The following SLC24A4 variants were observed in gnomAD, a reference collection of about 807,000 sequenced individuals.
SLC24A4 encodes solute carrier family 24 member 4.
In SLC24A4, 53 loss-of-function variants were observed where a neutral mutation model predicts 79.0. That is an observed-to-expected ratio of 0.67 (90% CI 0.54 to 0.84). The LOEUF is 0.84. Among genes scored for constraint, SLC24A4 ranks in the 40% least tolerant of loss-of-function variants. SLC24A4 has a pLI of 0.00. For synonymous variants in SLC24A4, 323 were observed against 323.8 expected (o/e 1.00, Z 0.03); for missense variants, 731 against 822.0 (o/e 0.89, Z 1.35).
At chr14:92,334,629 G>T (rs1412836992) in intron 2 of SLC24A4, among the ~76,000 whole-genome samples, 3 of 152,292 alleles carry the variant, frequency 2.0e-5, no homozygotes, top group African/African-American at 7.2e-5. Context: ...CTTCCCGTCT[G>T]TCTGTCTGTC....
intron 2 of SLC24A4, among the ~76,000 whole-genome samples, chr14:92,404,280 C>T (rs902949635): frequency 6.6e-6 from 1 of 152,210 alleles, no homozygotes; most frequent in Non-Finnish European, 1.5e-5. Context: ...ATAGCCTCTT[C>T]TTATGACAGC....
At chr14:92,458,869 G>T (rs764179873) in intron 12 of SLC24A4, among the ~76,000 whole-genome samples, 2 of 152,202 alleles carry the variant, frequency 1.3e-5, no homozygotes, top group African/African-American at 2.4e-5. Context: ...GGGCCAGAGT[G>T]CCAGAGCAGG....
chr14:92,453,130 A>G (rs1378534467), intron 10 of SLC24A4: 2 of 152,284 alleles, frequency 1.3e-5, no homozygotes, highest in Non-Finnish European at 2.9e-5. Context: ...ATGGCAAGAA[A>G]GAGGTCTGGG....
Position 92,325,936 on chromosome 14 carries a change from C to G in SLC24A4, c.199C>G (p.Pro67Ala). Residue 67 changes from proline to alanine, a missense_variant, in exon 2 of 17, where the codon CCA becomes GCA. By Grantham distance (27) the Pro-to-Ala change is conservative (BLOSUM62 -1). Transcript: ENST00000532405. ...GTGGAGAAATAGAAAGTTGATGGCC[C>G]CAGTGAATGGGACACAGACAGCCAA... ...DTWRNRKLMA[P>A]VNGTQTAKNC... 1 of 1,613,008 alleles carries G rather than the reference C, an allele frequency of 6.2e-7. No individual in the cohort carries two copies.
Position 92,461,537 on chromosome 14 carries a change from CTTGT to C in SLC24A4, c.1255+4945_1255+4948del, listed in dbSNP as rs755841979. On this transcript the variant is annotated intron_variant, in intron 12 of 16. Transcript: ENST00000532405. ...ACAGCTGCCTTTTTGTTCACGTGGC[CTTGT>C]TTGTTTGTTTGTTTGGTGCATGCAT... Among the ~76,000 whole-genome samples, 144 of 152,158 alleles carry C rather than the reference CTTGT, an allele frequency of 9.5e-4. 1 individual carries two copies. Among genetic ancestry groups the C allele is most frequent in the African/African-American group, 2.7e-3 (113 of 41,514 alleles).
chr14:92,328,081 C>T (rs1434965020), intron 2 of SLC24A4, among the ~76,000 whole-genome samples: 1 of 150,236 alleles, frequency 6.7e-6, no homozygotes, highest in Admixed American at 6.6e-5. Flanking sequence ...CAGCTGGAAA[C>T]ATACTGGGGT....
intron 2 of SLC24A4, among the ~76,000 whole-genome samples, chr14:92,333,473 C>T (rs1885596061): frequency 6.6e-6 from 1 of 152,128 alleles, no homozygotes; most frequent in Admixed American, 6.5e-5. Context: ...GTCCTGTGCC[C>T]CATGTTAAAA....
rs751245151 is a variant in SLC24A4 at position 92,482,806 on chromosome 14, C to T, written c.1382C>T (p.Thr461Met). The change falls in exon 13 of 17, where the codon ACG becomes ATG. Residue 461 changes from threonine (T) to methionine (M), a missense_variant. By Grantham distance (81) the Thr-to-Met change is moderately conservative. Transcript: ENST00000532405. ...TTCATGGTCACCTTCATCACCGCCACGCTGTGGATCGCTGTGTTCTCCTAC... is the reference window on the plus strand; with the variant it reads ...TTCATGGTCACCTTCATCACCGCCATGCTGTGGATCGCTGTGTTCTCCTAC... ...KFFMVTFITATLWIAVFSYIM... is the reference protein window; with the variant it reads ...KFFMVTFITAMLWIAVFSYIM... 2.7e-5 allele frequency: 44 copies of T among 1,613,564 alleles called. No individual in the cohort carries two copies. Among genetic ancestry groups the T allele is most frequent in the South Asian group, 1.3e-4 (12 of 91,050 alleles).
chr14:92,483,027 C>T (rs1461682788), intron 13 of SLC24A4, among the ~76,000 whole-genome samples, 181 bp downstream of exon 13: 2 of 151,962 alleles, frequency 1.3e-5, no homozygotes, highest in African/African-American at 4.8e-5. Context: ...TGTCAGGTAC[C>T]CGGAATGCAG....
At chr14:92,471,744 C>A (rs1010894380) in intron 12 of SLC24A4, among the ~76,000 whole-genome samples, 1 of 152,080 alleles carries the variant, frequency 6.6e-6, no homozygotes, top group Non-Finnish European at 1.5e-5. Context: ...AGGAGTCAGC[C>A]CCTGTCTAAA....
intron 2 of SLC24A4, among the ~76,000 whole-genome samples, chr14:92,350,804 G>A (rs1267881071): frequency 6.6e-6 from 1 of 152,214 alleles, no homozygotes; most frequent in Admixed American, 6.5e-5. Context: ...GAATGCTTGT[G>A]TTCCCCCAAA....
At chr14:92,349,205 G>C (rs958585404) in intron 2 of SLC24A4, among the ~76,000 whole-genome samples, 6 of 151,426 alleles carry the variant, frequency 4.0e-5, no homozygotes, top group African/African-American at 1.5e-4. Flanking sequence ...TGTCGCCAAG[G>C]CTGGAGTGCA....
intron 10 of SLC24A4, 93 bp from the exon 11 acceptor site, chr14:92,453,807 G>A (rs1566779504): frequency 7.1e-7 from 1 of 1,405,982 alleles, no homozygotes; most frequent in Non-Finnish European, 9.5e-7. Flanking sequence ...CACAGCCTAG[G>A]GCAGCTCACA....
chr14:92,441,211 C>T lies in SLC24A4; in HGVS notation c.394-878C>T, dbSNP rs1437626339. On this transcript the variant is annotated intron_variant, in intron 4 of 16. Coordinates refer to ENST00000532405, the MANE Select transcript of SLC24A4 (RefSeq NM_153646.4). This position sits in a 1 kb window ranked among gnomAD's most constrained non-coding sequence, Gnocchi z 4.6. ...TGGGGCTGGTGGAGGTGAGCCCTGT[C>T]CTGAGAGGCCTTCTGAGAACCGCAG... Among the ~76,000 whole-genome samples, 1 of 152,152 alleles carries T rather than the reference C, an allele frequency of 6.6e-6. No individual in the cohort carries two copies.
At chr14:92,322,998 G>A (rs184801353), upstream of SLC24A4, among the ~76,000 whole-genome samples, 879 of 152,106 alleles carry the variant, frequency 5.8e-3, 6 homozygotes, top group African/African-American at 0.02. Context: ...GGAGAAGGAA[G>A]GGGATTATAT....
intron 12 of SLC24A4, among the ~76,000 whole-genome samples, chr14:92,466,405 G>A (rs1301496760): frequency 6.6e-6 from 1 of 152,170 alleles, no homozygotes; most frequent in African/African-American, 2.4e-5. Flanking sequence ...GATACAGAGA[G>A]GCTAAATGCT....
rs1443002152 is a variant in SLC24A4 at position 92,483,708 on chromosome 14, C to T, written c.1422+862C>T. The T allele has an allele frequency of 9.9e-6, 12 of 1,218,156 alleles. No individual in the cohort carries two copies. In the South Asian group the frequency reaches 1.4e-4, roughly 14 times the overall value. 75.5% of individuals were successfully genotyped at this position (1,218,156 alleles called of 1,614,324 possible). A position where few individuals can be genotyped will look rare whatever the true frequency, so the allele number is the denominator to read the frequency against. On this transcript the variant is annotated intron_variant, in intron 13 of 16. Coordinates refer to ENST00000532405, the MANE Select transcript of SLC24A4 (RefSeq NM_153646.4). The stretch of plus-strand genomic sequence containing the variant: ...TGTATACCACCTAATGGGGTCCCTT[C>T]TTCTCCTCCTCATTCCCAGGAGCAA...
At position 92,456,624 on chromosome 14, in the gene SLC24A4, A is replaced by G. The variant is rs1394755115; in HGVS notation, c.1255+16A>G. 6.2e-7 allele frequency: 1 copy of G among 1,610,800 alleles called. No individual in the cohort carries two copies. The highest frequency in any genetic ancestry group is 8.5e-7 in the Non-Finnish European group (1 of 1,178,630). On this transcript the variant is annotated intron_variant, in intron 12 of 16. Transcript: ENST00000532405. Reference sequence around the variant, plus strand: ...TCCGTGCCGGGTGAGTTCTGGGGGTACTGGACTCTCGGGCTACATTTTTGG... The same window carrying G: ...TCCGTGCCGGGTGAGTTCTGGGGGTGCTGGACTCTCGGGCTACATTTTTGG...
At chr14:92,385,518 A>G (rs532609092) in intron 2 of SLC24A4, among the ~76,000 whole-genome samples, 23 of 151,210 alleles carry the variant, frequency 1.5e-4, no homozygotes, top group Middle Eastern at 3.4e-3. Context: ...AAATCATGCA[A>G]TGTTATTTTT....
Sources: gnomAD v4.1 joint callset for allele counts (sites outside exome capture counted in the v4.1 genomes callset) on GRCh38, gnomAD v4.1.1 for gene constraint, Gnocchi (gnomAD v3.1) non-coding constraint, MANE v1.5 for transcripts, NCBI Gene and HGNC (gene_info 2026-07-23, HGNC 2026-07-21) for gene names.